The following NUP58 variants were observed in gnomAD, a reference collection of about 807,000 sequenced individuals.
NUP58 encodes the protein nucleoporin p58/p45.
In NUP58, 17 loss-of-function variants were observed where a neutral mutation model predicts 70.1. The observed-to-expected ratio is 0.24, with a 90% CI of 0.17 to 0.36. The LOEUF is 0.36. Among genes scored for constraint, NUP58 ranks in the 10% least tolerant of loss-of-function variants. The pLI, the probability that NUP58 is intolerant of heterozygous loss-of-function variation, is 1.00. For missense variants in NUP58, 644 were observed against 701.5 expected (o/e 0.92, Z 0.93); for synonymous variants, 275 against 257.6 (o/e 1.07, Z -0.65).
At chr13:25,306,931 CT>C (rs754509862) in intron 1 of NUP58, among the ~76,000 whole-genome samples, 15 of 152,098 alleles carry the variant, frequency 9.9e-5, no homozygotes, top group Non-Finnish European at 1.9e-4. Context: ...TTGCGTTTAA[CT>C]TTTGCCAGGA....
At chr13:25,315,134 T>A (rs906837454) in intron 5 of NUP58, among the ~76,000 whole-genome samples, 4 of 151,984 alleles carry the variant, frequency 2.6e-5, no homozygotes, top group Admixed American at 2.6e-4. Flanking sequence ...CTGGCCCTCG[T>A]AATAATGAAA....
At chr13:25,332,867 C>T (rs2031659325) in intron 13 of NUP58, 3 of 985,330 alleles carry the variant, frequency 3.0e-6, no homozygotes, top group Non-Finnish European at 3.6e-6. Flanking sequence ...AGGATTCAAT[C>T]CCATAATTAT....
intron 13 of NUP58, chr13:25,332,417 CT>C: frequency 2.0e-6 from 2 of 984,832 alleles, no homozygotes; most frequent in Non-Finnish European, 2.4e-6. Flanking sequence ...GAAAAATAGT[CT>C]TAATCGATAT....
chr13:25,347,849 G>A (rs946957170), intron 3 of NUP58, among the ~76,000 whole-genome samples: 2 of 152,180 alleles, frequency 1.3e-5, no homozygotes, highest in Non-Finnish European at 2.9e-5. Flanking sequence ...TCTTGTTTTA[G>A]TAACTTAAAA....
intron 2 of NUP58, among the ~76,000 whole-genome samples, chr13:25,308,395 C>G (rs938601546): frequency 6.6e-6 from 1 of 151,738 alleles, no homozygotes; most frequent in Non-Finnish European, 1.5e-5. Flanking sequence ...TGCAGCCTCT[C>G]GGGCCCAAGT....
In NUP58 at chr13:25,312,844, T is replaced by C. The variant is rs780456234; in HGVS notation, c.287-39T>C. 3.2e-6 allele frequency: 5 copies of C among 1,548,466 alleles called. No homozygotes were observed. The East Asian group carries it at 1.2e-4, about 38-fold the overall frequency. On this transcript the variant is annotated intron_variant, in intron 3 of 15. Coordinates refer to ENST00000381736, the MANE Select transcript of NUP58 (RefSeq NM_014089.4). ...TAGAACACTTACAGGTAAAGTAGGATTTTTGTTTGTTTGTTTATTCATTTA... is the reference window on the plus strand; with the variant it reads ...TAGAACACTTACAGGTAAAGTAGGACTTTTGTTTGTTTGTTTATTCATTTA...
At position 25,336,862 on chromosome 13, in the gene NUP58, A is replaced by G. The variant is rs1263346532; in HGVS notation, c.1436-74A>G. Reference sequence around the variant, plus strand: ...GTTCATTTTAAAAATAATTTCATAAAGAATCTTTAATCTTGAAAGAGTAAG... The same window carrying G: ...GTTCATTTTAAAAATAATTTCATAAGGAATCTTTAATCTTGAAAGAGTAAG... On this transcript the variant is annotated intron_variant, in intron 13 of 15. Coordinates refer to ENST00000381736, the MANE Select transcript of NUP58 (RefSeq NM_014089.4). The G allele has an allele frequency of 6.7e-6, 6 of 890,152 alleles. No homozygotes were observed. The African/African-American group carries it at 1.0e-4, about 15-fold the overall frequency. 55.1% of individuals were successfully genotyped at this position (890,152 alleles called of 1,614,324 possible).
rs774195510 is a variant in NUP58, at chr13:25,301,764, C to T, written c.-10C>T. ...TTCGCCTTGCTGACGGCGTCGAGCC[C>T]TGGCCAGACATGTCCACAGGGTTCT... On this transcript the variant is annotated 5_prime_UTR_variant, in exon 1 of 16. Coordinates refer to ENST00000381736, the MANE Select transcript of NUP58 (RefSeq NM_014089.4). 1.3e-6 allele frequency: 2 copies of T among 1,593,972 alleles called. No individual in the cohort carries two copies. Among genetic ancestry groups the T allele is most frequent in the Admixed American group, 1.7e-5 (1 of 58,238 alleles).
Position 25,337,035 on chromosome 13 carries a change from G to A in NUP58, c.1534+1G>A. On this transcript the variant is annotated splice_donor_variant, in intron 14 of 15. Transcript: ENST00000381736. LOFTEE classifies it high-confidence loss of function. The stretch of plus-strand genomic sequence containing the variant: ...GGCTTAGGTTCTTCAAACCTTGGAG[G>A]TACACTTTAACTTTTCTAATATTTC... 2 of 1,585,906 alleles carry A rather than the reference G, an allele frequency of 1.3e-6. No individual in the cohort carries two copies. The highest frequency in any genetic ancestry group is 1.7e-6 in the Non-Finnish European group (2 of 1,165,394).
Position 25,341,535 on chromosome 13 carries a change from A to G in NUP58, c.*1401A>G, listed in dbSNP as rs2031954986. 1 of 152,618 alleles carries G rather than the reference A, an allele frequency of 6.6e-6. No homozygotes were observed. The highest frequency in any genetic ancestry group is 2.4e-5 in the African/African-American group (1 of 41,444). The allele number at this position is 152,618 out of a possible 1,614,324, so 9.5% of individuals were successfully genotyped here. ...CTTAATTTGGAATAGAGAAACCAGT[A>G]TATTTTAAAAAAGAAAAATATTCTT... is the stretch of plus-strand genomic sequence containing the variant. On this transcript the variant is annotated 3_prime_UTR_variant, in exon 16 of 16. Transcript: ENST00000381736.
At chr13:25,348,530 C>T (rs2032074932) in intron 3 of NUP58, among the ~76,000 whole-genome samples, 1 of 152,080 alleles carries the variant, frequency 6.6e-6, no homozygotes. Flanking sequence ...TCCACCTTAG[C>T]CTCCCAAGTA....
intron 3 of NUP58, among the ~76,000 whole-genome samples, chr13:25,347,940 T>C (rs1277005277): frequency 1.3e-5 from 2 of 152,222 alleles, no homozygotes; most frequent in Non-Finnish European, 2.9e-5. Context: ...TGCAGTTGAT[T>C]TAGAACGAGA....
At chr13:25,335,748 A>C (rs2031757709) in intron 13 of NUP58, 1 of 983,368 alleles carries the variant, frequency 1.0e-6, no homozygotes, top group South Asian at 4.7e-5. Context: ...TACCTTTTTA[A>C]TATACAAACC....
chr13:25,305,648 C>T (rs1365423709), intron 1 of NUP58, among the ~76,000 whole-genome samples: 1 of 152,214 alleles, frequency 6.6e-6, no homozygotes, highest in African/African-American at 2.4e-5. Context: ...ACCTCCATTC[C>T]CCTCACAGTG....
intron 14 of NUP58, among the ~76,000 whole-genome samples, chr13:25,337,370 T>A (rs1009838443): frequency 6.6e-6 from 1 of 152,140 alleles, no homozygotes; most frequent in Admixed American, 6.5e-5. Flanking sequence ...TAATGTTAGT[T>A]TGGAGTCTGA....
rs1046909314 is a variant in NUP58 at position 25,307,708 on chromosome 13, TGAA to T, written c.108-95_108-93del. The T allele has an allele frequency of 1.5e-5, 17 of 1,145,428 alleles. No homozygotes were observed. The Admixed American group carries it at 2.1e-4, about 14-fold the overall frequency. The allele number at this position is 1,145,428 out of a possible 1,614,324, so 71.0% of individuals were successfully genotyped here. A position where few individuals can be genotyped will look rare whatever the true frequency, so the allele number is the denominator to read the frequency against. Reference sequence around the variant, plus strand: ...ATATGTTATGTGAATGAAATTATCTTGAAGAGTTAATTTTTATTTTTCTTAAGT... The same window carrying T: ...ATATGTTATGTGAATGAAATTATCTTGAGTTAATTTTTATTTTTCTTAAGT... On this transcript the variant is annotated intron_variant, in intron 1 of 15. Transcript: ENST00000381736.
intron 13 of NUP58, chr13:25,333,581 T>C: frequency 2.0e-6 from 2 of 985,420 alleles, no homozygotes; most frequent in Non-Finnish European, 2.4e-6. Context: ...AATTTTACAT[T>C]ATCTTTTCTT....
intron 9 of NUP58, among the ~76,000 whole-genome samples, chr13:25,322,613 T>A (rs906609751): frequency 2.0e-5 from 3 of 152,362 alleles, no homozygotes; most frequent in South Asian, 2.1e-4. Flanking sequence ...ACTTTCAGGC[T>A]ATGTGTATAA....
Position 25,315,358 on chromosome 13 carries a change from A to G in NUP58, c.576A>G (p.Gly192=), listed in dbSNP as rs745604970. The change falls in exon 6 of 16, where the codon GGA becomes GGG. Residue 192 remains glycine, a splice_region_variant and synonymous_variant. Coordinates refer to ENST00000381736, the MANE Select transcript of NUP58 (RefSeq NM_014089.4). ...LFQSTNTGTS[G]LGQNALGLTL... ...TTATAAGTTATGTTTTATTTATAGG[A>G]CTTGGACAGAATGCTTTAGGGTTGA... 6.2e-7 allele frequency: 1 copy of G among 1,608,774 alleles called. No homozygotes were observed. Among genetic ancestry groups the G allele is most frequent in the East Asian group, 2.2e-5 (1 of 44,826 alleles).
Sources: gnomAD v4.1 joint callset for allele counts (sites outside exome capture counted in the v4.1 genomes callset) on GRCh38, gnomAD v4.1.1 for gene constraint, MANE v1.5 for transcripts, NCBI Gene and HGNC (gene_info 2026-07-23, HGNC 2026-07-21) for gene names.